MAPK8IP3: variants seen among roughly 807,000 people sequenced by gnomAD.
MAPK8IP3 encodes C-Jun-amino-terminal kinase-interacting protein 3.
Under a neutral mutation model 157.8 loss-of-function variants are expected in MAPK8IP3, and 49 were observed. The observed-to-expected ratio is 0.31, with a 90% CI of 0.25 to 0.39. The LOEUF (loss-of-function observed/expected upper bound fraction) is 0.39, where lower values mean the gene tolerates loss of function less well. MAPK8IP3 is among the 10% of genes least tolerant of loss of function. The pLI, the probability that MAPK8IP3 is intolerant of heterozygous loss-of-function variation, is 1.00. For synonymous variants in MAPK8IP3, 897 were observed against 777.7 expected, an observed-to-expected ratio of 1.15 and a Z score of -2.55; for missense variants, 1,478 against 1,889.4, an observed-to-expected ratio of 0.78 and a Z score of 4.04.
Position 1,762,984 on chromosome 16 carries a change from C to T in MAPK8IP3, c.1876C>T (p.Pro626Ser), listed in dbSNP as rs1451921019. The T allele has an allele frequency of 6.2e-7, 1 of 1,612,852 alleles. No individual in the cohort carries two copies. The highest frequency in any genetic ancestry group is 8.5e-7 in the Non-Finnish European group (1 of 1,179,968). ...AMCPISAGSR[P>S]LEFFPDDDCT... ...GTGCCCGATCTCGGCAGGCAGCCGGCCCCTGGAATTCTTCCCTGACGAGTG... is the reference window on the plus strand; with the variant it reads ...GTGCCCGATCTCGGCAGGCAGCCGGTCCCTGGAATTCTTCCCTGACGAGTG... Residue 626 changes from proline to serine, a missense_variant, in exon 16 of 32, where the codon CCC becomes TCC. Physicochemically the swap from Pro to Ser is moderately conservative, Grantham distance 74 (BLOSUM62 -1). This residue lies in a region of MAPK8IP3 where 669 missense variants were observed against 759.8 expected (regional missense o/e 0.88). Transcript: ENST00000610761.
chr16:1,733,722 C>A (rs1431223453), intron 4 of MAPK8IP3, among the ~76,000 whole-genome samples: 1 of 152,206 alleles, frequency 6.6e-6, no homozygotes, highest in African/African-American at 2.4e-5. Flanking sequence ...TGCTGGGGTC[C>A]CCTCTGCAGC....
intron 8 of MAPK8IP3, among the ~76,000 whole-genome samples, chr16:1,749,719 C>T (rs904847567): frequency 3.9e-5 from 6 of 152,346 alleles, no homozygotes; most frequent in East Asian, 3.9e-4. Flanking sequence ...CATGGCCTTG[C>T]TTCCCCCAGC....
chr16:1,768,937 C>T lies in MAPK8IP3; in HGVS notation c.*113C>T, dbSNP rs1249661225. The T allele has an allele frequency of 2.4e-6, 3 of 1,269,418 alleles. No homozygotes were observed. Among genetic ancestry groups the T allele is most frequent in the East Asian group, 2.5e-5 (1 of 40,562 alleles). 78.6% of individuals were successfully genotyped at this position (1,269,418 alleles called of 1,614,324 possible). A position where few individuals can be genotyped will look rare whatever the true frequency, so the allele number is the denominator to read the frequency against. On this transcript the variant is annotated 3_prime_UTR_variant, in exon 32 of 32. Transcript: ENST00000610761. ...GCCGCCCCTCTTCTAACCTCTCAAC[C>T]TGCAGCTTTCACCTGAGTCTGGCCC... is the stretch of plus-strand genomic sequence containing the variant.
Position 1,741,255 on chromosome 16 carries a change from T to C in MAPK8IP3, c.603-2077T>C, listed in dbSNP as rs1207249679. ...GAGCATCTGCATCCCCTGAGGGAGC[T>C]GCGAGGACAAATCGGGAGGACGGGG... On this transcript the variant is annotated intron_variant, in intron 4 of 31. Coordinates refer to ENST00000610761, the MANE Select transcript of MAPK8IP3 (RefSeq NM_001318852.2). The surrounding 1 kb of genome is among the most constrained non-coding windows in gnomAD (Gnocchi z 6.9). Among the ~76,000 whole-genome samples the C allele has an allele frequency of 2.0e-5, 3 of 152,088 alleles. No individual in the cohort carries two copies. The highest frequency in any genetic ancestry group is 6.5e-5 in the Admixed American group (1 of 15,274).
At chr16:1,753,949 G>A (rs974280272) in intron 8 of MAPK8IP3, among the ~76,000 whole-genome samples, 3 of 151,768 alleles carry the variant, frequency 2.0e-5, no homozygotes, top group African/African-American at 4.8e-5. Context: ...CGAGGCGGGT[G>A]GGTCATGAGG....
At position 1,767,715 on chromosome 16, in the gene MAPK8IP3, C is replaced by T; in HGVS notation, c.3389C>T (p.Pro1130Leu). Residue 1130 changes from proline to leucine, a missense_variant, in exon 27 of 32, where the codon CCC becomes CTC. By Grantham distance (98) the Pro-to-Leu change is moderately conservative. This residue lies in a region of MAPK8IP3 where 68 missense variants were observed against 125.1 expected (regional missense o/e 0.54). Transcript: ENST00000610761. ...CATCTACAGGACGTGGACATTGAGC[C>T]CTACGTCAGCAAGATGCTAGGTGAG... ...HQHLQDVDIE[P>L]YVSKMLGTGK... 4 of 1,612,758 alleles carry T rather than the reference C, an allele frequency of 2.5e-6. No homozygotes were observed. The highest frequency in any genetic ancestry group is 3.4e-6 in the Non-Finnish European group (4 of 1,179,952).
intron 17 of MAPK8IP3, 35 bp from the exon 18 acceptor site, chr16:1,764,080 G>A: frequency 6.4e-7 from 1 of 1,555,760 alleles, no homozygotes; most frequent in Non-Finnish European, 8.7e-7. Flanking sequence ...TAGGAGCCAG[G>A]GTTCGTGCCC....
chr16:1,765,442 G>C (rs1258138622), intron 20 of MAPK8IP3, among the ~76,000 whole-genome samples: 1 of 152,174 alleles, frequency 6.6e-6, no homozygotes. Flanking sequence ...GGGTGGGCAC[G>C]GCCTGCAGCT....
At chr16:1,762,529 G>A (rs755361026) in intron 14 of MAPK8IP3, 48 bp downstream of exon 14, 15 of 1,605,750 alleles carry the variant, frequency 9.3e-6, no homozygotes, top group East Asian at 6.7e-5. Flanking sequence ...CATCCCTGAC[G>A]GCAGGACTGC....
chr16:1,769,137 G>A lies in MAPK8IP3; in HGVS notation c.*313G>A, dbSNP rs2042465286. ...GGGCCCAGCGCAGGCAGAATCCGAG[G>A]TGGTCCTGGCTCTACCCTGGGCCTC... is the stretch of plus-strand genomic sequence containing the variant. On this transcript the variant is annotated 3_prime_UTR_variant, in exon 32 of 32. Coordinates refer to ENST00000610761, the MANE Select transcript of MAPK8IP3 (RefSeq NM_001318852.2). 2 of 404,042 alleles carry A rather than the reference G, an allele frequency of 4.9e-6. No homozygotes were observed. The highest frequency in any genetic ancestry group is 9.2e-6 in the Non-Finnish European group (2 of 216,922). The allele number at this position is 404,042 out of a possible 1,614,324, so 25.0% of individuals were successfully genotyped here.
chr16:1,725,751 G>A (rs2038837234), intron 2 of MAPK8IP3, among the ~76,000 whole-genome samples: 1 of 152,108 alleles, frequency 6.6e-6, no homozygotes, highest in South Asian at 2.1e-4. Flanking sequence ...AGGCTGGAGT[G>A]CAATGGTGCG....
chr16:1,769,085 C>CT lies in MAPK8IP3; in HGVS notation c.*261_*262insT. The CT allele has an allele frequency of 1.9e-6, 1 of 523,864 alleles. No homozygotes were observed. The highest frequency in any genetic ancestry group is 2.1e-5 in the South Asian group (1 of 48,108). The allele number at this position is 523,864 out of a possible 1,614,324, so 32.5% of individuals were successfully genotyped here. A position where few individuals can be genotyped will look rare whatever the true frequency, so the allele number is the denominator to read the frequency against. ...GGGCAGCTCCTGGCCAGCTTCCAGC[C>CT]CAGAGTCCTCAAGTCCAGGGCACCT... On this transcript the variant is annotated 3_prime_UTR_variant, in exon 32 of 32. Transcript: ENST00000610761.
chr16:1,711,243 G>A (rs1422648803), intron 1 of MAPK8IP3, among the ~76,000 whole-genome samples: 3 of 152,252 alleles, frequency 2.0e-5, no homozygotes, highest in African/African-American at 7.2e-5. Context: ...TTCTCTGGCT[G>A]TGTAAGGGGC....
Position 1,767,704 on chromosome 16 carries a change from G to C in MAPK8IP3, c.3378G>C (p.Val1126=), listed in dbSNP as rs2042354982. The C allele has an allele frequency of 6.2e-7, 1 of 1,612,650 alleles. No individual in the cohort carries two copies. The highest frequency in any genetic ancestry group is 8.5e-7 in the Non-Finnish European group (1 of 1,179,974). The change falls in exon 27 of 32, where the codon GTG becomes GTC. Residue 1126 remains valine, a synonymous_variant. Coordinates refer to ENST00000610761, the MANE Select transcript of MAPK8IP3 (RefSeq NM_001318852.2). ...ACACGCACCAGCATCTACAGGACGT[G>C]GACATTGAGCCCTACGTCAGCAAGA... The part of the protein sequence containing the change: ...HAHTHQHLQD[V]DIEPYVSKML...
Position 1,760,333 on chromosome 16 carries a change from C to T in MAPK8IP3, c.1305-47C>T, listed in dbSNP as rs142136096. On this transcript the variant is annotated intron_variant, in intron 11 of 31. Coordinates refer to ENST00000610761, the MANE Select transcript of MAPK8IP3 (RefSeq NM_001318852.2). ...GCCCCTGGCAAGGCCCCTTCACGTA[C>T]CTGTATGCCGCGCCCGTGGCACTCC... 15 of 1,582,648 alleles carry T rather than the reference C, an allele frequency of 9.5e-6. No homozygotes were observed. The East Asian group carries it at 3.4e-4, about 36-fold the overall frequency.
intron 4 of MAPK8IP3, among the ~76,000 whole-genome samples, chr16:1,733,956 C>A (rs1281271956): frequency 6.6e-6 from 1 of 152,264 alleles, no homozygotes; most frequent in Non-Finnish European, 1.5e-5. Flanking sequence ...GCAACGCCAG[C>A]AGCAGTGGCT....
intron 16 of MAPK8IP3, among the ~76,000 whole-genome samples, chr16:1,763,308 C>A (rs144908093): frequency 9.5e-4 from 144 of 152,376 alleles, no homozygotes; most frequent in Non-Finnish European, 1.6e-3. Context: ...CCGTTTCAGG[C>A]GTCTGTCCAG....
At chr16:1,752,950 A>C (rs368859107) in intron 8 of MAPK8IP3, among the ~76,000 whole-genome samples, 89 of 152,302 alleles carry the variant, frequency 5.8e-4, no homozygotes, top group African/African-American at 2.1e-3. Context: ...TCAGCTGCAG[A>C]ATGGGCATGA....
chr16:1,752,764 AAAAG>A (rs1184538320), intron 8 of MAPK8IP3, among the ~76,000 whole-genome samples: 2 of 151,804 alleles, frequency 1.3e-5, no homozygotes, highest in Admixed American at 6.6e-5. Context: ...AAAAAAAAAA[AAAAG>A]AGAGAAGGAA....
Sources: gnomAD v4.1 joint callset for allele counts (sites outside exome capture counted in the v4.1 genomes callset) on GRCh38, gnomAD v4.1.1 for gene constraint, gnomAD v4.1.1 regional missense constraint, Gnocchi (gnomAD v3.1) non-coding constraint, MANE v1.5 for transcripts, NCBI Gene and HGNC (gene_info 2026-07-23, HGNC 2026-07-21) for gene names.